Variants in GRIK4 observed in about 807,000 individuals in gnomAD.
The protein encoded by GRIK4 is glutamate ionotropic receptor kainate type subunit 4, also known as glutamate receptor ionotropic, kainate 4.
In GRIK4, 40 loss-of-function variants were observed where a neutral mutation model predicts 104.9. That is an observed-to-expected ratio of 0.38 (90% CI 0.30 to 0.50). The LOEUF (loss-of-function observed/expected upper bound fraction) is 0.50. GRIK4 is among the 20% of genes least tolerant of loss of function. GRIK4 has a pLI of 0.93. For missense variants in GRIK4, 1,047 were observed against 1,308.1 expected (o/e 0.80, Z 3.08); for synonymous variants, 485 against 524.9 (o/e 0.92, Z 1.04).
At chr11:120,834,616 A>G (rs1953524934) in intron 7 of GRIK4, among the ~76,000 whole-genome samples, 2 of 152,202 alleles carry the variant, frequency 1.3e-5, no homozygotes, top group Admixed American at 1.3e-4. Flanking sequence ...GATGGGAAGC[A>G]GAGTGGGCAG....
chr11:120,625,747 G>C (rs534786533), intron 1 of GRIK4, among the ~76,000 whole-genome samples: 1 of 151,986 alleles, frequency 6.6e-6, no homozygotes, highest in Admixed American at 6.5e-5. Context: ...GTGTTTGGGG[G>C]GAGGGTGGGC....
chr11:120,961,081 C>G lies in GRIK4; in HGVS notation c.2040+7C>G, dbSNP rs752585727. Reference sequence around the variant, plus strand: ...CAGCATGACCTTCTTCCAAGTAAACCCCATTTGGTTGCTCACCAGCATCGG... The same window carrying G: ...CAGCATGACCTTCTTCCAAGTAAACGCCATTTGGTTGCTCACCAGCATCGG... On this transcript the variant is annotated splice_region_variant and intron_variant, in intron 17 of 20. Coordinates refer to ENST00000527524, the MANE Select transcript of GRIK4 (RefSeq NM_014619.5). The G allele has an allele frequency of 1.6e-5, 26 of 1,612,634 alleles. No homozygotes were observed. Among genetic ancestry groups the G allele is most frequent in the Non-Finnish European group, 2.0e-5 (23 of 1,179,192 alleles).
At position 120,975,988 on chromosome 11, in the gene GRIK4, G is replaced by C. The variant is rs551318925; in HGVS notation, c.2396-6118G>C. ...TTAAAACATTTAGCATGCTGACTTT[G>C]CTCATAGTAAACACTCATAAAGGTC... On this transcript the variant is annotated intron_variant, in intron 19 of 20. Transcript: ENST00000527524. 2.8e-4 allele frequency among the ~76,000 whole-genome samples: 42 copies of C among 152,324 alleles called. 1 individual carries two copies. Among genetic ancestry groups the C allele is most frequent in the African/African-American group, 9.9e-4 (41 of 41,572 alleles).
Position 120,877,666 on chromosome 11 carries a change from G to C in GRIK4, c.1164+2423G>C, listed in dbSNP as rs560304629. Among the ~76,000 whole-genome samples the C allele has an allele frequency of 3.3e-5, 5 of 152,270 alleles. No homozygotes were observed. The South Asian group carries it at 1.0e-3, about 32-fold the overall frequency. On this transcript the variant is annotated intron_variant, in intron 11 of 20. Transcript: ENST00000527524. ...TTTGTGGAGCCTGTATTCTAGTAGG[G>C]GACAGGCAGTGGGCAAACAAATATA... is the stretch of plus-strand genomic sequence containing the variant.
At chr11:120,519,271 A>G (rs778541829) in intron 1 of GRIK4, among the ~76,000 whole-genome samples, 58 of 152,334 alleles carry the variant, frequency 3.8e-4, no homozygotes, top group Non-Finnish European at 6.5e-4. Flanking sequence ...CTATGAACTG[A>G]ATGTTGGTGT....
chr11:120,588,664 C>T (rs972962845), intron 1 of GRIK4, among the ~76,000 whole-genome samples: 3 of 152,048 alleles, frequency 2.0e-5, no homozygotes, highest in African/African-American at 7.2e-5. Flanking sequence ...AAGAGTTTGG[C>T]GGCAGGGGAT....
chr11:120,685,930 C>T (rs1950268619), intron 3 of GRIK4, among the ~76,000 whole-genome samples: 1 of 152,178 alleles, frequency 6.6e-6, no homozygotes, highest in African/African-American at 2.4e-5. Context: ...AAATCATCTG[C>T]AGCGCTACCT....
chr11:120,887,734 G>A (rs1955162018), intron 11 of GRIK4, among the ~76,000 whole-genome samples: 1 of 152,200 alleles, frequency 6.6e-6, no homozygotes. Flanking sequence ...TCTTCACTCT[G>A]GTACAGGAGA....
chr11:120,867,232 A>G (rs1329191494), intron 9 of GRIK4, among the ~76,000 whole-genome samples: 1 of 152,160 alleles, frequency 6.6e-6, no homozygotes, highest in Non-Finnish European at 1.5e-5. Context: ...TTCTCACTTT[A>G]GCAACCAGCT....
chr11:120,584,589 A>G (rs933585503), intron 1 of GRIK4, among the ~76,000 whole-genome samples: 1 of 152,198 alleles, frequency 6.6e-6, no homozygotes, highest in Non-Finnish European at 1.5e-5. Flanking sequence ...TTGTGAAGAC[A>G]GCACCAAACC....
At chr11:120,914,926 A>G (rs748326769) in intron 13 of GRIK4, among the ~76,000 whole-genome samples, 13 of 152,170 alleles carry the variant, frequency 8.5e-5, no homozygotes, top group Non-Finnish European at 1.9e-4. Context: ...TGAATTAAGC[A>G]GTGACTGTGA....
intron 3 of GRIK4, among the ~76,000 whole-genome samples, chr11:120,700,686 C>T (rs192035253): frequency 3.9e-5 from 6 of 152,112 alleles, no homozygotes; most frequent in Non-Finnish European, 5.9e-5. Context: ...CTCAAACTCC[C>T]GACCTCGTGA....
chr11:120,550,082 T>G (rs1034937324), intron 1 of GRIK4, among the ~76,000 whole-genome samples: 2 of 152,156 alleles, frequency 1.3e-5, no homozygotes, highest in Non-Finnish European at 2.9e-5. Context: ...GGCTGCCTGG[T>G]TGCGGGGAAT....
In GRIK4 at chr11:120,982,174, A is replaced by C. The variant is rs779028465; in HGVS notation, c.2464A>C (p.Met822Leu). ...TTGTGGCTTAATCGTGGCCATTTTT[A>C]TGGCTATGTTGGAGTTTTTATGGAC... ...LICGLIVAIF[M>L]AMLEFLWTLR... Residue 822 changes from methionine (M) to leucine (L), a missense_variant, in exon 20 of 21, where the codon ATG becomes CTG. By Grantham distance (15) the Met-to-Leu change is conservative (BLOSUM62 2). This residue lies in a region of GRIK4 where 440 missense variants were observed against 652.3 expected (regional missense o/e 0.67). Transcript: ENST00000527524. 6.2e-7 allele frequency: 1 copy of C among 1,613,344 alleles called. No individual in the cohort carries two copies. The highest frequency in any genetic ancestry group is 1.3e-5 in the African/African-American group (1 of 74,998).
intron 1 of GRIK4, among the ~76,000 whole-genome samples, chr11:120,602,883 T>C (rs2135132687): frequency 6.6e-6 from 1 of 152,218 alleles, no homozygotes; most frequent in Middle Eastern, 3.4e-3. Context: ...TTTTATGTTT[T>C]GTAGAGATAA....
intron 19 of GRIK4, among the ~76,000 whole-genome samples, chr11:120,968,924 A>G (rs558019167): frequency 3.3e-5 from 5 of 152,322 alleles, no homozygotes; most frequent in African/African-American, 1.2e-4. Flanking sequence ...CCAGTGTATC[A>G]CAGCTGTGAC....
rs763799177 is a variant in GRIK4 at position 120,815,397 on chromosome 11, G to C, written c.267G>C (p.Lys89Asn). Residue 89 changes from lysine (K) to asparagine (N), a missense_variant, in exon 5 of 21, where the codon AAG becomes AAC. Physicochemically the swap from Lys to Asn is moderately conservative, Grantham distance 94. Coordinates refer to ENST00000527524, the MANE Select transcript of GRIK4 (RefSeq NM_014619.5). Reference sequence around the variant, plus strand: ...CTGCAGTGTGTCAGATCCTCCCCAAGGGGGTGGTCGCTGTCCTCGGACCAT... The same window carrying C: ...CTGCAGTGTGTCAGATCCTCCCCAACGGGGTGGTCGCTGTCCTCGGACCAT... Reference protein sequence around the residue: ...TAETMCQILPKGVVAVLGPSS... With the variant: ...TAETMCQILPNGVVAVLGPSS... 6.5e-7 allele frequency: 1 copy of C among 1,549,030 alleles called. No individual in the cohort carries two copies. The highest frequency in any genetic ancestry group is 8.7e-7 in the Non-Finnish European group (1 of 1,144,844).
intron 1 of GRIK4, among the ~76,000 whole-genome samples, chr11:120,614,250 T>A (rs1949076333): frequency 6.6e-6 from 1 of 152,132 alleles, no homozygotes; most frequent in Non-Finnish European, 1.5e-5. Context: ...GAAAGGGGGT[T>A]ATGGTTTTTT....
intron 1 of GRIK4, among the ~76,000 whole-genome samples, chr11:120,548,147 G>A (rs887843130): frequency 6.6e-6 from 1 of 152,174 alleles, no homozygotes; most frequent in African/African-American, 2.4e-5. Context: ...TGGACTCTGA[G>A]GCCCACGCTG....
Sources: allele counts gnomAD v4.1 joint callset (sites outside exome capture counted in the v4.1 genomes callset), GRCh38; gene constraint gnomAD v4.1.1; regional missense constraint gnomAD v4.1.1; transcripts MANE v1.5; gene names NCBI Gene and HGNC (gene_info 2026-07-23, HGNC 2026-07-21).